TSPAN18: variants seen among roughly 807,000 people sequenced by gnomAD.
TSPAN18 encodes the protein tetraspanin-18.
Under a neutral mutation model 27.3 loss-of-function variants are expected in TSPAN18, and 14 were observed. That is an observed-to-expected ratio of 0.51 (90% CI 0.34 to 0.80). TSPAN18 has a LOEUF of 0.80. Ranked by LOEUF, TSPAN18 falls within the 30% of genes least tolerant of loss-of-function variation. The probability of loss-of-function intolerance (pLI) is 0.01; values close to 1 mark genes in which losing one functional copy is unlikely to be tolerated. For missense variants in TSPAN18, 268 were observed against 323.9 expected (o/e 0.83, Z 1.32); for synonymous variants, 143 against 136.5 (o/e 1.05, Z -0.33).
chr11:44,851,335 C>A (rs1857595581), intron 2 of TSPAN18, among the ~76,000 whole-genome samples: 1 of 152,196 alleles, frequency 6.6e-6, no homozygotes, highest in Non-Finnish European at 1.5e-5. Flanking sequence ...CCGGCATCCC[C>A]TGACCACCCA....
At chr11:44,746,806 C>T (rs1268381361) in intron 1 of TSPAN18, among the ~76,000 whole-genome samples, 2 of 152,196 alleles carry the variant, frequency 1.3e-5, no homozygotes, top group African/African-American at 2.4e-5. Context: ...AGAAAATACA[C>T]GGTGTGCCTG....
chr11:44,910,416 A>C (rs1590674623), intron 5 of TSPAN18, among the ~76,000 whole-genome samples: 1 of 152,348 alleles, frequency 6.6e-6, no homozygotes, highest in African/African-American at 2.4e-5. Flanking sequence ...CCCAGCTTCC[A>C]GAGCCTGCTT....
rs975605182 is a variant in TSPAN18, at chr11:44,890,901, G to C, written c.-10-15506G>C. ...TAAAAAAGTATTTTGGTTGTGCACA[G>C]TGGCTCACGTCTGTAATCCCAGCAC... On this transcript the variant is annotated intron_variant, in intron 3 of 9. Coordinates refer to ENST00000520358, the MANE Select transcript of TSPAN18 (RefSeq NM_130783.5). 4.0e-5 allele frequency among the ~76,000 whole-genome samples: 6 copies of C among 151,862 alleles called. No homozygotes were observed. In the East Asian group the frequency reaches 1.2e-3, roughly 30 times the overall value.
intron 2 of TSPAN18, among the ~76,000 whole-genome samples, chr11:44,817,193 G>C (rs1455932866): frequency 6.6e-6 from 1 of 152,226 alleles, no homozygotes; most frequent in African/African-American, 2.4e-5. Context: ...CTGGGTTCCA[G>C]CTCTGGCTTT....
At chr11:44,769,458 T>G (rs566668736) in intron 2 of TSPAN18, among the ~76,000 whole-genome samples, 2 of 152,244 alleles carry the variant, frequency 1.3e-5, no homozygotes, top group African/African-American at 4.8e-5. Flanking sequence ...TGGAAGAGAT[T>G]ATTGAGAATT....
chr11:44,742,983 C>T lies in TSPAN18; in HGVS notation c.-240+15696C>T, dbSNP rs116126987. Reference sequence around the variant, plus strand: ...TCTGCTCTCATACTCCTGGATGCTGCCTGATTCCCCAGGGCTGAATTATGC... The same window carrying T: ...TCTGCTCTCATACTCCTGGATGCTGTCTGATTCCCCAGGGCTGAATTATGC... On this transcript the variant is annotated intron_variant, in intron 1 of 9. Coordinates refer to ENST00000520358, the MANE Select transcript of TSPAN18 (RefSeq NM_130783.5). Among the ~76,000 whole-genome samples the T allele has an allele frequency of 6.2e-3, 944 of 152,284 alleles. 8 individuals are homozygous for T. The highest frequency in any genetic ancestry group is 0.022 in the African/African-American group (904 of 41,546).
intron 3 of TSPAN18, among the ~76,000 whole-genome samples, chr11:44,883,938 G>A (rs867856223): frequency 2.1e-5 from 3 of 145,496 alleles, no homozygotes; most frequent in African/African-American, 8.2e-5. Flanking sequence ...AATTAAATGA[G>A]TTAACAGATG....
chr11:44,766,145 A>G lies in TSPAN18; in HGVS notation c.-153+1633A>G, dbSNP rs182590922. Among the ~76,000 whole-genome samples, 54 of 152,308 alleles carry G rather than the reference A, an allele frequency of 3.5e-4. 1 individual carries two copies. Among genetic ancestry groups the G allele is most frequent in the Admixed American group, 2.5e-3 (39 of 15,310 alleles). On this transcript the variant is annotated intron_variant, in intron 2 of 9. Transcript: ENST00000520358. ...CACTTGGCCACTTTCTTAGTCACCA[A>G]TCTGATAGTTCACTCACCCTTCTGG... is the stretch of plus-strand genomic sequence containing the variant.
At chr11:44,742,993 C>T (rs1854982272) in intron 1 of TSPAN18, among the ~76,000 whole-genome samples, 1 of 152,190 alleles carries the variant, frequency 6.6e-6, no homozygotes, top group Admixed American at 6.5e-5. Flanking sequence ...CCTGATTCCC[C>T]AGGGCTGAAT....
chr11:44,882,939 C>T (rs144459509), intron 3 of TSPAN18, among the ~76,000 whole-genome samples: 1 of 152,334 alleles, frequency 6.6e-6, no homozygotes, highest in East Asian at 1.9e-4. Flanking sequence ...GTCCTGCTTT[C>T]AGCACCCCTA....
chr11:44,918,999 G>A (rs988836250), intron 6 of TSPAN18, among the ~76,000 whole-genome samples: 2 of 152,022 alleles, frequency 1.3e-5, no homozygotes, highest in Non-Finnish European at 2.9e-5. Context: ...CGGCTCCACC[G>A]AGATGTGCAT....
intron 3 of TSPAN18, chr11:44,897,640 G>A (rs1859110360): frequency 3.5e-6 from 2 of 577,986 alleles, no homozygotes; most frequent in Non-Finnish European, 5.6e-6. Context: ...TAGCAGGACA[G>A]TTGCCCCGAG....
chr11:44,817,197 T>C (rs1396229803), intron 2 of TSPAN18, among the ~76,000 whole-genome samples: 1 of 152,258 alleles, frequency 6.6e-6, no homozygotes, highest in African/African-American at 2.4e-5. Context: ...GTTCCAGCTC[T>C]GGCTTTGCTG....
chr11:44,747,778 C>T (rs1855114331), intron 1 of TSPAN18, among the ~76,000 whole-genome samples: 1 of 152,196 alleles, frequency 6.6e-6, no homozygotes, highest in African/African-American at 2.4e-5. Context: ...CACACTTGCT[C>T]ACTCTCATCT....
At chr11:44,792,643 A>G (rs911652494) in intron 2 of TSPAN18, among the ~76,000 whole-genome samples, 16 of 152,104 alleles carry the variant, frequency 1.1e-4, no homozygotes, top group Non-Finnish European at 2.9e-5. Context: ...AGCTGTGTGG[A>G]GTGATGTAGA....
At chr11:44,883,118 A>T (rs1249230794) in intron 3 of TSPAN18, among the ~76,000 whole-genome samples, 1 of 152,188 alleles carries the variant, frequency 6.6e-6, no homozygotes, top group African/African-American at 2.4e-5. Context: ...CTTTTACAGG[A>T]TGAGACCCAC....
intron 8 of TSPAN18, among the ~76,000 whole-genome samples, chr11:44,925,214 C>G (rs1288013508): frequency 6.6e-6 from 1 of 152,236 alleles, no homozygotes; most frequent in African/African-American, 2.4e-5. Context: ...TAGAAATTAC[C>G]TTGGGTATCG....
At chr11:44,863,156 T>G (rs1474096019) in intron 3 of TSPAN18, among the ~76,000 whole-genome samples, 1 of 151,954 alleles carries the variant, frequency 6.6e-6, no homozygotes, top group East Asian at 1.9e-4. Context: ...TGCTGCACAG[T>G]GGTGGTGTAA....
At chr11:44,827,037 G>A (rs1482006998) in intron 2 of TSPAN18, among the ~76,000 whole-genome samples, 2 of 152,196 alleles carry the variant, frequency 1.3e-5, no homozygotes. Flanking sequence ...GAGCCTTTTA[G>A]CTCACGAGGG....
Sources: gnomAD v4.1 joint callset for allele counts (sites outside exome capture counted in the v4.1 genomes callset) on GRCh38, gnomAD v4.1.1 for gene constraint, MANE v1.5 for transcripts, NCBI Gene and HGNC (gene_info 2026-07-23, HGNC 2026-07-21) for gene names.